Variants in MDM4 observed in about 807,000 individuals in gnomAD.
The protein encoded by MDM4 is protein Mdm4.
Under a neutral mutation model 60.2 loss-of-function variants are expected in MDM4, and 2 were observed. The ratio of observed to expected loss-of-function variants is 0.03; its 90% CI spans 0.01 to 0.10. The LOEUF is 0.10. MDM4 is among the 10% of genes least tolerant of loss of function. The probability of loss-of-function intolerance (pLI) is 1.00; values close to 1 mark genes in which losing one functional copy is unlikely to be tolerated. For missense variants in MDM4, 447 were observed against 577.5 expected, an observed-to-expected ratio of 0.77 and a Z score of 2.32; for synonymous variants, 202 against 198.1, an observed-to-expected ratio of 1.02 and a Z score of -0.17.
intron 5 of MDM4, among the ~76,000 whole-genome samples, chr1:204,533,396 G>T (rs1324734245): frequency 1.3e-5 from 2 of 152,200 alleles, no homozygotes; most frequent in East Asian, 1.9e-4. Flanking sequence ...TTCTCAGGTT[G>T]CCCAGGCTGG....
intron 5 of MDM4, among the ~76,000 whole-genome samples, chr1:204,535,034 G>A (rs1661258269): frequency 6.6e-6 from 1 of 151,990 alleles, no homozygotes; most frequent in Non-Finnish European, 1.5e-5. Flanking sequence ...TGTGATTTGG[G>A]TTGCTTGTGT....
At chr1:204,543,092 C>A in intron 8 of MDM4, 148 bp downstream of exon 8, 1 of 654,824 alleles carries the variant, frequency 1.5e-6, no homozygotes, top group Non-Finnish European at 2.5e-6. Context: ...ATACCCAAAT[C>A]TGTATCTCTA....
At chr1:204,526,466 T>G (rs922193753) in intron 3 of MDM4, 32 bp downstream of exon 3, 81 of 1,474,378 alleles carry the variant, frequency 5.5e-5, no homozygotes, top group Middle Eastern at 3.8e-4. Context: ...TCATTTTTTT[T>G]GTTTTTTTTT....
intron 2 of MDM4, 91 bp from the exon 3 acceptor site, chr1:204,526,269 G>C (rs1016188735): frequency 1.5e-5 from 17 of 1,106,710 alleles, no homozygotes; most frequent in Non-Finnish European, 2.0e-5. Context: ...AAACAAAAGC[G>C]GGGGGAGCTG....
rs977184847 is a variant in MDM4 at position 204,556,551 on chromosome 1, A to G, written c.*6869A>G. The G allele has an allele frequency of 9.7e-6, 2 of 205,938 alleles. No homozygotes were observed. Among genetic ancestry groups the G allele is most frequent in the Non-Finnish European group, 2.0e-5 (2 of 100,822 alleles). 12.8% of individuals were successfully genotyped at this position (205,938 alleles called of 1,614,324 possible). A position where few individuals can be genotyped will look rare whatever the true frequency, so the allele number is the denominator to read the frequency against. ...GTCTCTACCAAAAATACAAAAAAAA[A>G]GCTGGGCATGGTGGGTGCATGCTTG... is the stretch of plus-strand genomic sequence containing the variant. On this transcript the variant is annotated 3_prime_UTR_variant, in exon 11 of 11. Coordinates refer to ENST00000367182, the MANE Select transcript of MDM4 (RefSeq NM_002393.5).
chr1:204,541,248 CAA>C (rs1662044301), intron 7 of MDM4, among the ~76,000 whole-genome samples: 1 of 152,122 alleles, frequency 6.6e-6, no homozygotes, highest in Non-Finnish European at 1.5e-5. Flanking sequence ...TACTTGAGCT[CAA>C]GAGTTCGAGA....
rs2102485126 is a variant in MDM4 at position 204,555,948 on chromosome 1, G to A, written c.*6266G>A. 1 of 201,712 alleles carries A rather than the reference G, an allele frequency of 5.0e-6. No homozygotes were observed. Among genetic ancestry groups the A allele is most frequent in the South Asian group, 1.9e-4 (1 of 5,248 alleles). The allele number at this position is 201,712 out of a possible 1,614,324, so 12.5% of individuals were successfully genotyped here. ...ACTGTTTTTTTTTTTAAACAGTTAA[G>A]TACTGATGTCAACAGACAAATATTT... On this transcript the variant is annotated 3_prime_UTR_variant, in exon 11 of 11. Coordinates refer to ENST00000367182, the MANE Select transcript of MDM4 (RefSeq NM_002393.5).
intron 5 of MDM4, chr1:204,532,634 A>C (rs1660983366): frequency 3.8e-6 from 3 of 799,146 alleles, no homozygotes; most frequent in South Asian, 4.1e-5. Context: ...TTATCTCAAA[A>C]ATACCTTGTA....
chr1:204,539,231 C>G (rs1250349969), intron 7 of MDM4, among the ~76,000 whole-genome samples: 3 of 152,098 alleles, frequency 2.0e-5, no homozygotes, highest in African/African-American at 4.8e-5. Flanking sequence ...AATGGTCTAC[C>G]CGCCTCAGCC....
intron 7 of MDM4, among the ~76,000 whole-genome samples, chr1:204,538,792 A>G (rs1440653131): frequency 7.0e-6 from 1 of 142,580 alleles, no homozygotes; most frequent in African/African-American, 2.6e-5. Context: ...TGCGACCTCC[A>G]CCTCCTTGGT....
At chr1:204,545,439 T>C (rs2102433556) in intron 9 of MDM4, among the ~76,000 whole-genome samples, 1 of 152,176 alleles carries the variant, frequency 6.6e-6, no homozygotes, top group East Asian at 1.9e-4. Flanking sequence ...TCAGAAGAAA[T>C]TGGGGAGGAG....
chr1:204,526,467 GT>G (rs200388119), intron 3 of MDM4, 33 bp downstream of exon 3: 13,700 of 1,173,604 alleles, frequency 0.012, 1 homozygote, highest in South Asian at 0.024. Context: ...CATTTTTTTT[GT>G]TTTTTTTTTT....
At chr1:204,528,680 T>C (rs970094356) in intron 3 of MDM4, among the ~76,000 whole-genome samples, 1 of 152,206 alleles carries the variant, frequency 6.6e-6, no homozygotes, top group African/African-American at 2.4e-5. Context: ...ATTTGGTGGC[T>C]GTGATGCAGG....
chr1:204,544,716 G>A (rs1477792378), intron 9 of MDM4, 32 bp downstream of exon 9: 1 of 1,591,212 alleles, frequency 6.3e-7, no homozygotes, highest in Non-Finnish European at 8.6e-7. Flanking sequence ...TGTTGATTCT[G>A]TTTGTGTGCT....
intron 1 of MDM4, among the ~76,000 whole-genome samples, chr1:204,521,808 A>G (rs905513702): frequency 2.0e-5 from 3 of 152,222 alleles, no homozygotes; most frequent in African/African-American, 7.2e-5. Flanking sequence ...AAATGTATAA[A>G]TAGACAGTTA....
chr1:204,550,003 C>G lies in MDM4; in HGVS notation c.*321C>G, dbSNP rs1194916500. On this transcript the variant is annotated 3_prime_UTR_variant, in exon 11 of 11. Transcript: ENST00000367182. ...GTATAATTAACATGATAAAGTGTTT[C>G]CTTCTAACGAGTTGTAGAAATCTGA... The G allele has an allele frequency of 1.2e-5, 3 of 257,590 alleles. No homozygotes were observed. The highest frequency in any genetic ancestry group is 2.2e-5 in the Non-Finnish European group (3 of 134,888). 16.0% of individuals were successfully genotyped at this position (257,590 alleles called of 1,614,324 possible). A position where few individuals can be genotyped will look rare whatever the true frequency, so the allele number is the denominator to read the frequency against.
At chr1:204,523,958 G>A (rs911427902) in intron 1 of MDM4, among the ~76,000 whole-genome samples, 2 of 152,042 alleles carry the variant, frequency 1.3e-5, no homozygotes, top group African/African-American at 4.8e-5. Context: ...AGAGAGCAGG[G>A]GTATGAGCTG....
intron 3 of MDM4, among the ~76,000 whole-genome samples, chr1:204,527,897 C>A (rs1263202495): frequency 6.6e-6 from 1 of 151,508 alleles, no homozygotes; most frequent in Non-Finnish European, 1.5e-5. Context: ...ACCTTCACAC[C>A]TATCAACACT....
chr1:204,532,507 C>T (rs940667356), intron 5 of MDM4: 2 of 553,960 alleles, frequency 3.6e-6, no homozygotes, highest in Admixed American at 3.6e-5. Flanking sequence ...TTTTAAAAAT[C>T]TCTAGCAGAT....
Sources: allele counts gnomAD v4.1 joint callset (sites outside exome capture counted in the v4.1 genomes callset), GRCh38; gene constraint gnomAD v4.1.1; transcripts MANE v1.5; gene names NCBI Gene and HGNC (gene_info 2026-07-23, HGNC 2026-07-21).